Variants in DCUN1D4 observed in about 807,000 individuals in gnomAD.
The protein encoded by DCUN1D4 is defective in cullin neddylation 1 domain containing 4.
Under a neutral mutation model 47.9 loss-of-function variants are expected in DCUN1D4, and 22 were observed. The observed-to-expected ratio is 0.46, with a 90% CI of 0.33 to 0.66. The LOEUF (loss-of-function observed/expected upper bound fraction) is 0.66. Ranked by LOEUF, DCUN1D4 falls within the 30% of genes least tolerant of loss-of-function variation. The pLI is 0.02. For synonymous variants in DCUN1D4, 121 were observed against 112.2 expected, an observed-to-expected ratio of 1.08 and a Z score of -0.50; for missense variants, 301 against 340.8, an observed-to-expected ratio of 0.88 and a Z score of 0.92.
chr4:51,899,409 C>G, intron 8 of DCUN1D4, 31 bp downstream of exon 8: 4 of 1,567,884 alleles, frequency 2.6e-6, no homozygotes, highest in South Asian at 2.4e-5. Flanking sequence ...CCAGATGTTT[C>G]CCTCTCTTCC....
At chr4:51,865,914 C>A (rs1725832871) in intron 3 of DCUN1D4, among the ~76,000 whole-genome samples, 1 of 152,186 alleles carries the variant, frequency 6.6e-6, no homozygotes, top group Admixed American at 6.5e-5. Context: ...ACCCTTTACA[C>A]CCTGCACTAT....
At chr4:51,881,942 A>T (rs1269449021) in intron 5 of DCUN1D4, among the ~76,000 whole-genome samples, 1 of 152,078 alleles carries the variant, frequency 6.6e-6, no homozygotes, top group Non-Finnish European at 1.5e-5. Context: ...CTGAGGTAGG[A>T]GGATCGTTTG....
At chr4:51,842,196 T>C (rs989165051), upstream of DCUN1D4, among the ~76,000 whole-genome samples, 4 of 152,166 alleles carry the variant, frequency 2.6e-5, no homozygotes, top group Admixed American at 2.6e-4. Context: ...GGACGGCCTC[T>C]CCGCGGGAGT....
intron 7 of DCUN1D4, among the ~76,000 whole-genome samples, chr4:51,893,983 G>A (rs762627282): frequency 5.9e-5 from 9 of 152,198 alleles, no homozygotes; most frequent in Non-Finnish European, 1.3e-4. Context: ...CTCCTGGGAA[G>A]TGAGAAGCAA....
rs1734346002 is a variant in DCUN1D4 at position 51,916,590 on chromosome 4, T to G, written c.*3006T>G. 1 of 152,588 alleles carries G rather than the reference T, an allele frequency of 6.6e-6. No homozygotes were observed. Among genetic ancestry groups the G allele is most frequent in the Non-Finnish European group, 1.5e-5 (1 of 68,008 alleles). 9.5% of individuals were successfully genotyped at this position (152,588 alleles called of 1,614,324 possible). A position where few individuals can be genotyped will look rare whatever the true frequency, so the allele number is the denominator to read the frequency against. ...TAAATGAGACCAAAACGTGGGTTGCTTTTTTCATAAAATAATTTCTATTGG... is the reference window on the plus strand; with the variant it reads ...TAAATGAGACCAAAACGTGGGTTGCGTTTTTCATAAAATAATTTCTATTGG... On this transcript the variant is annotated 3_prime_UTR_variant, in exon 11 of 11. Coordinates refer to ENST00000334635, the MANE Select transcript of DCUN1D4 (RefSeq NM_001040402.3).
At chr4:51,903,696 G>C (rs1263681608) in intron 8 of DCUN1D4, among the ~76,000 whole-genome samples, 1 of 151,928 alleles carries the variant, frequency 6.6e-6, no homozygotes, top group Non-Finnish European at 1.5e-5. Flanking sequence ...AGTTTTTTCT[G>C]TGTCTCATTT....
intron 3 of DCUN1D4, among the ~76,000 whole-genome samples, chr4:51,869,123 C>CAAAAAAAAA: frequency 2.6e-5 from 1 of 38,572 alleles, no homozygotes; most frequent in South Asian, 1.3e-3. Flanking sequence ...GACTCCATCT[C>CAAAAAAAAA]AAAAAAAAAA....
rs1734300756 is a variant in DCUN1D4 at position 51,916,118 on chromosome 4, T to A, written c.*2534T>A. ...TTGAATAAATTAGGGTGCCTTCATCTGGGTTTTCTTTAGTACCTAAGTCTA... is the reference window on the plus strand; with the variant it reads ...TTGAATAAATTAGGGTGCCTTCATCAGGGTTTTCTTTAGTACCTAAGTCTA... On this transcript the variant is annotated 3_prime_UTR_variant, in exon 11 of 11. Coordinates refer to ENST00000334635, the MANE Select transcript of DCUN1D4 (RefSeq NM_001040402.3). The A allele has an allele frequency of 6.6e-6, 1 of 152,140 alleles. No homozygotes were observed. Among genetic ancestry groups the A allele is most frequent in the South Asian group, 2.1e-4 (1 of 4,830 alleles). 9.4% of individuals were successfully genotyped at this position (152,140 alleles called of 1,614,324 possible).
intron 8 of DCUN1D4, among the ~76,000 whole-genome samples, chr4:51,901,887 A>AT (rs1732176392): frequency 6.6e-6 from 1 of 152,230 alleles, no homozygotes; most frequent in Non-Finnish European, 1.5e-5. Context: ...TACCGGATAG[A>AT]TTCAGTTTAG....
intron 7 of DCUN1D4, among the ~76,000 whole-genome samples, chr4:51,896,564 T>G (rs1214204694): frequency 6.6e-6 from 1 of 152,088 alleles, no homozygotes; most frequent in African/African-American, 2.4e-5. Flanking sequence ...CTCCGATTAT[T>G]ATTAATATTA....
At position 51,863,442 on chromosome 4, in the gene DCUN1D4, C is replaced by T. The variant is rs1725389458; in HGVS notation, c.31C>T (p.Gln11Ter). 6.2e-7 allele frequency: 1 copy of T among 1,609,756 alleles called. No homozygotes were observed. Among genetic ancestry groups the T allele is most frequent in the South Asian group, 1.1e-5 (1 of 90,016 alleles). Residue 11 changes from glutamine to a stop codon, truncating the protein, a stop_gained, in exon 2 of 11, where the codon CAG becomes TAG. Transcript: ENST00000334635. LOFTEE classifies it high-confidence loss of function. MHSDAAAVNF[Q>*]LNSHLSTLAN... is the part of the protein sequence containing the mutation. ...TTTTCCTTTTTCTTTTCAAGATTTT[C>T]AGCTGAACTCTCATCTCTCAACACT... is the stretch of plus-strand genomic sequence containing the variant.
At chr4:51,872,430 A>G (rs1319880914) in intron 3 of DCUN1D4, among the ~76,000 whole-genome samples, 2 of 152,088 alleles carry the variant, frequency 1.3e-5, no homozygotes, top group East Asian at 3.9e-4. Context: ...GCCCGCTGCA[A>G]TCTGGCCTGC....
chr4:51,859,831 C>T (rs1292490523), intron 1 of DCUN1D4, among the ~76,000 whole-genome samples: 1 of 152,098 alleles, frequency 6.6e-6, no homozygotes, highest in Non-Finnish European at 1.5e-5. Flanking sequence ...TCAGACTCAG[C>T]ACTGCTTTAC....
At chr4:51,898,873 T>G (rs1356533654) in intron 7 of DCUN1D4, among the ~76,000 whole-genome samples, 1 of 152,154 alleles carries the variant, frequency 6.6e-6, no homozygotes. Flanking sequence ...GGGGAATAAT[T>G]GGGAAATTTG....
At chr4:51,877,700 T>TA in intron 4 of DCUN1D4, 63 bp from the exon 5 acceptor site, 1 of 983,386 alleles carries the variant, frequency 1.0e-6, no homozygotes, top group Non-Finnish European at 1.6e-6. Context: ...GAATATAAAT[T>TA]ATCTGCTACT....
At chr4:51,853,084 C>T (rs976314009) in intron 1 of DCUN1D4, among the ~76,000 whole-genome samples, 4 of 152,156 alleles carry the variant, frequency 2.6e-5, no homozygotes, top group Non-Finnish European at 5.9e-5. Flanking sequence ...ATTGGGAGTG[C>T]AGCCAGACGG....
chr4:51,887,313 A>G (rs1270977129), intron 6 of DCUN1D4: 1 of 320,494 alleles, frequency 3.1e-6, no homozygotes, highest in Non-Finnish European at 6.1e-6. Flanking sequence ...CATGTTGGCC[A>G]GATGTCTCTA....
At chr4:51,906,910 T>C (rs1206915290) in intron 8 of DCUN1D4, among the ~76,000 whole-genome samples, 2 of 152,226 alleles carry the variant, frequency 1.3e-5, no homozygotes, top group African/African-American at 4.8e-5. Flanking sequence ...CTACCATTTA[T>C]TGATTTTAAC....
intron 4 of DCUN1D4, 54 bp downstream of exon 4, chr4:51,874,439 CATTTCTACCTA>C: frequency 7.4e-7 from 1 of 1,356,426 alleles, no homozygotes; most frequent in Non-Finnish European, 1.0e-6. Context: ...CGAAGATGCA[CATTTCTACCTA>C]ATTCAGTGTG....
Sources: allele counts gnomAD v4.1 joint callset (sites outside exome capture counted in the v4.1 genomes callset), GRCh38; gene constraint gnomAD v4.1.1; transcripts MANE v1.5; gene names NCBI Gene and HGNC (gene_info 2026-07-23, HGNC 2026-07-21).